Variants in EYA1 observed in about 807,000 individuals in gnomAD.
The protein encoded by EYA1 is EYA transcriptional coactivator and phosphatase 1.
In EYA1, 16 loss-of-function variants were observed where a neutral mutation model predicts 82.0. The ratio of observed to expected loss-of-function variants is 0.20; its 90% CI spans 0.13 to 0.30. The LOEUF is 0.30. Among genes scored for constraint, EYA1 ranks in the 10% least tolerant of loss-of-function variants. The pLI, the probability that EYA1 is intolerant of heterozygous loss-of-function variation, is 1.00. For synonymous variants in EYA1, 261 were observed against 264.4 expected, an observed-to-expected ratio of 0.99 and a Z score of 0.12; for missense variants, 633 against 730.7, an observed-to-expected ratio of 0.87 and a Z score of 1.54.
At chr8:71,513,452 C>G (rs1026543397) in intron 2 of EYA1, among the ~76,000 whole-genome samples, 1 of 151,820 alleles carries the variant, frequency 6.6e-6, no homozygotes, top group East Asian at 1.9e-4. Context: ...TAAAATAATT[C>G]TTTTTTAATT....
At position 71,326,170 on chromosome 8, in the gene EYA1, C is replaced by A. The variant is rs989993927; in HGVS notation, c.203-3902G>T. Among the ~76,000 whole-genome samples the A allele has an allele frequency of 7.2e-5, 11 of 152,036 alleles. 1 individual carries two copies. Among genetic ancestry groups the A allele is most frequent in the Admixed American group, 2.0e-4 (3 of 15,264 alleles). On this transcript the variant is annotated intron_variant, in intron 4 of 17. Transcript: ENST00000340726. ...TTTTTGTAGGAAGGGAGAGGAGAAT[C>A]AAAAATGAATAATAATTACAATCTT...
chr8:71,381,661 G>C (rs1326082844), intron 2 of EYA1, among the ~76,000 whole-genome samples: 1 of 152,222 alleles, frequency 6.6e-6, no homozygotes, highest in Non-Finnish European at 1.5e-5. Flanking sequence ...TAGCTCTACA[G>C]TTGTGAGTAC....
At position 71,287,104 on chromosome 8, in the gene EYA1, T is replaced by A. The variant is rs1818470984; in HGVS notation, c.826+11943A>T. Among the ~76,000 whole-genome samples the A allele has an allele frequency of 2.7e-5, 4 of 150,248 alleles. No homozygotes were observed. In the South Asian group the frequency reaches 8.4e-4, roughly 32 times the overall value. ...CGTGAGACACCCCGCTTGGCCTAAA[T>A]TTTTTTTTTAGATTTTGGCATAAAA... On this transcript the variant is annotated intron_variant, in intron 9 of 17. Transcript: ENST00000340726.
chr8:71,384,345 T>A (rs1332084008), intron 2 of EYA1, among the ~76,000 whole-genome samples: 3 of 152,204 alleles, frequency 2.0e-5, no homozygotes, highest in Non-Finnish European at 4.4e-5. Context: ...GTTGACTTAC[T>A]CCCCCAGACT....
At chr8:71,375,619 C>G (rs144325455) in intron 2 of EYA1, among the ~76,000 whole-genome samples, 1 of 151,972 alleles carries the variant, frequency 6.6e-6, no homozygotes, top group Middle Eastern at 3.2e-3. Context: ...CAGGAGTCTC[C>G]CCTCTACATA....
chr8:71,206,094 T>C (rs1364383289), intron 17 of EYA1, among the ~76,000 whole-genome samples: 2 of 152,222 alleles, frequency 1.3e-5, no homozygotes, highest in African/African-American at 2.4e-5. Flanking sequence ...ACTTATATAG[T>C]TATATCTAAC....
At chr8:71,360,180 C>T (rs531148713) in intron 1 of EYA1, among the ~76,000 whole-genome samples, 2 of 151,900 alleles carry the variant, frequency 1.3e-5, no homozygotes, top group Admixed American at 6.6e-5. Context: ...TTTTGCAATG[C>T]GTCGTTTAAA....
intron 9 of EYA1, among the ~76,000 whole-genome samples, chr8:71,291,619 G>A (rs779096012): frequency 1.4e-4 from 21 of 152,036 alleles, no homozygotes; most frequent in Non-Finnish European, 2.5e-4. Context: ...AAAATGTTTC[G>A]TTCACCATTC....
intron 2 of EYA1, among the ~76,000 whole-genome samples, chr8:71,389,024 C>A (rs1371350552): frequency 6.6e-6 from 1 of 151,712 alleles, no homozygotes; most frequent in Non-Finnish European, 1.5e-5. Flanking sequence ...GCCTGCCAAT[C>A]TGCTTGCTCT....
chr8:71,464,799 A>G (rs1430153222), intron 2 of EYA1, among the ~76,000 whole-genome samples: 1 of 152,228 alleles, frequency 6.6e-6, no homozygotes, highest in African/African-American at 2.4e-5. Flanking sequence ...CATACTATTT[A>G]TCTAAAATTA....
intron 17 of EYA1, among the ~76,000 whole-genome samples, chr8:71,209,955 T>G (rs1808296266): frequency 6.6e-6 from 1 of 152,314 alleles, no homozygotes; most frequent in African/African-American, 2.4e-5. Context: ...AACAGGCACA[T>G]AAACAATAAC....
At chr8:71,355,262 C>A (rs549747636) in intron 2 of EYA1, among the ~76,000 whole-genome samples, 101 of 151,940 alleles carry the variant, frequency 6.6e-4, no homozygotes, top group Non-Finnish European at 1.2e-3. Flanking sequence ...TTAAAAAGGA[C>A]CAAAGGCATT....
intron 4 of EYA1, among the ~76,000 whole-genome samples, chr8:71,331,500 T>TATATAC (rs1823863051): frequency 6.7e-6 from 1 of 148,906 alleles, no homozygotes; most frequent in South Asian, 2.1e-4. Flanking sequence ...TATATATATA[T>TATATAC]ATACACATAT....
At chr8:71,470,529 C>T (rs964718394) in intron 2 of EYA1, among the ~76,000 whole-genome samples, 4 of 151,842 alleles carry the variant, frequency 2.6e-5, no homozygotes, top group Admixed American at 6.6e-5. Flanking sequence ...TGGTAAAAAC[C>T]GCAATTGCTT....
At chr8:71,463,757 G>C (rs1808582114) in intron 2 of EYA1, among the ~76,000 whole-genome samples, 1 of 151,342 alleles carries the variant, frequency 6.6e-6, no homozygotes, top group African/African-American at 2.4e-5. Context: ...ATTCCTACCG[G>C]TCTGCCACAG....
intron 1 of EYA1, among the ~76,000 whole-genome samples, chr8:71,539,041 G>T (rs1814935933): frequency 6.6e-6 from 1 of 152,086 alleles, no homozygotes; most frequent in South Asian, 2.1e-4. Context: ...GTTGTACACA[G>T]TGGAATCCTA....
At chr8:71,429,058 T>C (rs1219022971) in intron 2 of EYA1, among the ~76,000 whole-genome samples, 4 of 152,182 alleles carry the variant, frequency 2.6e-5, no homozygotes, top group African/African-American at 9.7e-5. Context: ...TTTGGTCACC[T>C]TCTATAGGAG....
chr8:71,368,189 T>C (rs1827865151), intron 2 of EYA1, among the ~76,000 whole-genome samples: 1 of 152,050 alleles, frequency 6.6e-6, no homozygotes, highest in Admixed American at 6.6e-5. Context: ...TGTGGAAGAT[T>C]CTTAAAAACA....
intron 11 of EYA1, among the ~76,000 whole-genome samples, chr8:71,268,081 T>C (rs1816082070): frequency 1.3e-5 from 2 of 152,244 alleles, no homozygotes; most frequent in East Asian, 1.9e-4. Context: ...CAATAATTTA[T>C]GGCCAAAGAT....
Sources: allele counts gnomAD v4.1 joint callset (sites outside exome capture counted in the v4.1 genomes callset), GRCh38; gene constraint gnomAD v4.1.1; transcripts MANE v1.5; gene names NCBI Gene and HGNC (gene_info 2026-07-23, HGNC 2026-07-21).